Variants in KLHL14 observed in about 807,000 individuals in gnomAD.
KLHL14 encodes the protein kelch-like protein 14.
In KLHL14, 22 loss-of-function variants were observed where a neutral mutation model predicts 64.3. That is an observed-to-expected ratio of 0.34 (90% confidence interval 0.24 to 0.49). The LOEUF (loss-of-function observed/expected upper bound fraction) is 0.49. KLHL14 is among the 20% of genes least tolerant of loss of function. The pLI is 0.99. For missense variants in KLHL14, 661 were observed against 789.0 expected (o/e 0.84, Z 1.94); for synonymous variants, 322 against 333.4 (o/e 0.97, Z 0.37).
intron 5 of KLHL14, among the ~76,000 whole-genome samples, chr18:32,682,368 A>G (rs558160324): frequency 3.3e-5 from 5 of 152,318 alleles, no homozygotes; most frequent in African/African-American, 7.2e-5. Flanking sequence ...ACAATAATGA[A>G]AACAGTGGCA....
At chr18:32,687,309 C>T (rs775690785) in intron 4 of KLHL14, 76 bp from the exon 5 acceptor site, 48 of 1,128,100 alleles carry the variant, frequency 4.3e-5, no homozygotes, top group Non-Finnish European at 5.7e-5. Context: ...TTTTATCAGA[C>T]GTCTCTATTC....
intron 2 of KLHL14, among the ~76,000 whole-genome samples, chr18:32,750,954 A>G (rs2050248045): frequency 6.6e-6 from 1 of 152,230 alleles, no homozygotes. Flanking sequence ...CTATCTTATT[A>G]TAACCTCTCT....
chr18:32,676,421 A>G (rs189582588), intron 8 of KLHL14, among the ~76,000 whole-genome samples: 1 of 152,340 alleles, frequency 6.6e-6, no homozygotes, highest in African/African-American at 2.4e-5. Context: ...CCTGATTTGG[A>G]TATGTCAATT....
At chr18:32,682,092 C>G (rs957039400) in intron 5 of KLHL14, among the ~76,000 whole-genome samples, 1 of 152,076 alleles carries the variant, frequency 6.6e-6, no homozygotes, top group South Asian at 2.1e-4. Flanking sequence ...TAAAAATTGA[C>G]CATGAAGATG....
chr18:32,743,083 G>A (rs1206308995), intron 2 of KLHL14: 1 of 152,266 alleles, frequency 6.6e-6, no homozygotes, highest in Non-Finnish European at 1.5e-5. Flanking sequence ...GCAGGGAGAG[G>A]AGGCCCAGAC....
At chr18:32,724,457 C>A (rs1402325263) in intron 3 of KLHL14, among the ~76,000 whole-genome samples, 1 of 152,152 alleles carries the variant, frequency 6.6e-6, no homozygotes, top group Non-Finnish European at 1.5e-5. Context: ...TCTTTAAAAT[C>A]ATAGCAACCA....
At position 32,680,102 on chromosome 18, in the gene KLHL14, C is replaced by T. The variant is rs2049830676; in HGVS notation, c.1588+67G>A. ...TAACTATGATTATCTAAGGAGAAAC[C>T]CCCTTAGCGAGAAATATGAGGTGCA... is the stretch of plus-strand genomic sequence containing the variant. On this transcript the variant is annotated intron_variant, in intron 7 of 8. Coordinates refer to ENST00000359358, the MANE Select transcript of KLHL14 (RefSeq NM_020805.3). The surrounding 1 kb of genome is among the most constrained non-coding windows in gnomAD (Gnocchi z 4.8). 2.0e-6 allele frequency: 3 copies of T among 1,484,236 alleles called. No homozygotes were observed. The highest frequency in any genetic ancestry group is 1.4e-5 in the African/African-American group (1 of 71,680). 91.9% of individuals were successfully genotyped at this position (1,484,236 alleles called of 1,614,324 possible).
chr18:32,745,048 G>C (rs1227498352), intron 2 of KLHL14: 1 of 152,210 alleles, frequency 6.6e-6, no homozygotes, highest in Non-Finnish European at 1.5e-5. Flanking sequence ...GAATTATGTG[G>C]AGGAAAAGGA....
chr18:32,731,878 A>G (rs532096959), intron 3 of KLHL14, among the ~76,000 whole-genome samples: 2 of 152,336 alleles, frequency 1.3e-5, no homozygotes, highest in South Asian at 4.1e-4. Flanking sequence ...AATTCACTCC[A>G]AATGCATTAT....
At chr18:32,704,615 G>C (rs2049981420) in intron 3 of KLHL14, among the ~76,000 whole-genome samples, 1 of 152,034 alleles carries the variant, frequency 6.6e-6, no homozygotes, top group Non-Finnish European at 1.5e-5. Context: ...CCAGCTACTT[G>C]GGGGGCTGGG....
chr18:32,677,141 TAA>T (rs1349128322), intron 8 of KLHL14, 30 bp downstream of exon 8: 2 of 1,596,742 alleles, frequency 1.3e-6, no homozygotes, highest in East Asian at 4.5e-5. Flanking sequence ...ACAAACGAAA[TAA>T]AGGAGGATGC....
intron 2 of KLHL14, among the ~76,000 whole-genome samples, chr18:32,758,650 T>C (rs1024124923): frequency 3.3e-5 from 5 of 152,140 alleles, no homozygotes; most frequent in African/African-American, 1.2e-4. Flanking sequence ...ATAGGAATGC[T>C]CAGGGCAGCA....
intron 3 of KLHL14, among the ~76,000 whole-genome samples, chr18:32,725,020 C>CT (rs33924704): frequency 0.055 from 8,054 of 146,044 alleles, 642 homozygotes; most frequent in African/African-American, 0.18. Flanking sequence ...CCTCCCTTCC[C>CT]TTTTTTTTTT....
At chr18:32,741,836 C>A in intron 3 of KLHL14, 92 bp downstream of exon 3, 1 of 1,301,424 alleles carries the variant, frequency 7.7e-7, no homozygotes, top group Non-Finnish European at 1.0e-6. Flanking sequence ...AATAAAATGT[C>A]TAATTTGATT....
In KLHL14 at chr18:32,677,194, C is replaced by T; in HGVS notation, c.1725G>A (p.Val575=). Residue 575 remains valine, a synonymous_variant, in exon 8 of 9, where the codon GTG becomes GTA. Transcript: ENST00000359358. ...CAVLDDSIYL[V]GGYSWSMGAY... ...ATACCATACTCCAGCTGTAGCCTCCCACAAGGTAAATGCTGTCATCAAGCA... is the reference window on the plus strand; with the variant it reads ...ATACCATACTCCAGCTGTAGCCTCCTACAAGGTAAATGCTGTCATCAAGCA... 1 of 1,612,702 alleles carries T rather than the reference C, an allele frequency of 6.2e-7. No individual in the cohort carries two copies. Among genetic ancestry groups the T allele is most frequent in the East Asian group, 2.2e-5 (1 of 44,876 alleles).
At chr18:32,760,347 C>CACACACACACACAG (rs1177940957) in intron 2 of KLHL14, among the ~76,000 whole-genome samples, 2 of 146,070 alleles carry the variant, frequency 1.4e-5, no homozygotes, top group African/African-American at 4.9e-5. Flanking sequence ...CATACACACA[C>CACACACACACACAG]ACACACACAC....
Position 32,770,382 on chromosome 18 carries a change from TC to T in KLHL14, c.209del (p.Gly70GlufsTer47). 6.3e-7 allele frequency: 1 copy of T among 1,591,016 alleles called. No homozygotes were observed. Reference sequence around the variant, plus strand: ...CCAGGCCGTCCTGGCCGCCGACCCCTCCCCCGAGAGGGGGGTGGCTGGAGAA... The same window carrying T: ...CCAGGCCGTCCTGGCCGCCGACCCCTCCCCGAGAGGGGGGTGGCTGGAGAA... ...SLFSSHPPLG[G>X]GVGGQDGLGA... On this transcript the variant is annotated frameshift_variant, in exon 2 of 9. Coordinates refer to ENST00000359358, the MANE Select transcript of KLHL14 (RefSeq NM_020805.3). LOFTEE classifies it high-confidence loss of function. This position sits in a 1 kb window ranked among gnomAD's most constrained non-coding sequence, Gnocchi z 6.7.
intron 2 of KLHL14, 45 bp from the exon 3 acceptor site, chr18:32,742,094 G>GC: frequency 6.3e-7 from 1 of 1,587,084 alleles, no homozygotes; most frequent in Non-Finnish European, 8.5e-7. Context: ...CATTACTGTA[G>GC]AGTCTTTTTA....
At position 32,752,815 on chromosome 18, in the gene KLHL14, G is replaced by A. The variant is rs1313797273; in HGVS notation, c.948-10766C>T. Among the ~76,000 whole-genome samples the A allele has an allele frequency of 5.6e-5, 7 of 123,992 alleles. No homozygotes were observed. The South Asian group carries it at 1.4e-3, about 26-fold the overall frequency. The allele number at this position is 123,992 out of a possible 152,430, so 81.3% of individuals were successfully genotyped here. ...TTTTTTTTTTTTGAGACGGAGTCTC[G>A]CTCTGTCGCCCAGGCTGGAGTGCAG... On this transcript the variant is annotated intron_variant, in intron 2 of 8. Transcript: ENST00000359358.
Sources: allele counts gnomAD v4.1 joint callset (sites outside exome capture counted in the v4.1 genomes callset), GRCh38; gene constraint gnomAD v4.1.1; non-coding constraint Gnocchi (gnomAD v3.1); transcripts MANE v1.5; gene names NCBI Gene and HGNC (gene_info 2026-07-23, HGNC 2026-07-21).